Variants in DENND1A observed in about 807,000 individuals in gnomAD.
The protein encoded by DENND1A is DENN domain containing 1A.
In DENND1A, 51 loss-of-function variants were observed where a neutral mutation model predicts 113.7. The observed-to-expected ratio is 0.45, with a 90% confidence interval of 0.36 to 0.57. The LOEUF (loss-of-function observed/expected upper bound fraction) is 0.57, where lower values mean the gene tolerates loss of function less well. Ranked by LOEUF, DENND1A falls within the 20% of genes least tolerant of loss-of-function variation. The pLI is 0.00. For synonymous variants in DENND1A, 565 were observed against 570.8 expected, an observed-to-expected ratio of 0.99 and a Z score of 0.14; for missense variants, 1,258 against 1,395.9, an observed-to-expected ratio of 0.90 and a Z score of 1.57.
At position 123,380,813 on chromosome 9, in the gene DENND1A, C is replaced by T. The variant is rs1017093786; in HGVS notation, c.*619G>A. The T allele has an allele frequency of 9.2e-5, 14 of 152,888 alleles. No individual in the cohort carries two copies. The highest frequency in any genetic ancestry group is 3.4e-4 in the African/African-American group (14 of 41,456). 9.5% of individuals were successfully genotyped at this position (152,888 alleles called of 1,614,324 possible). A position where few individuals can be genotyped will look rare whatever the true frequency, so the allele number is the denominator to read the frequency against. ...GCCCAAGACCCCCTGGTCCCCAGAT[C>T]CTCCCAGGTCAGAATCAACTGAAGT... On this transcript the variant is annotated 3_prime_UTR_variant, in exon 24 of 24. Coordinates refer to ENST00000394215, the MANE Select transcript of DENND1A (RefSeq NM_001352964.2).
intron 13 of DENND1A, among the ~76,000 whole-genome samples, chr9:123,466,309 A>AC (rs2048945461): frequency 6.6e-6 from 1 of 150,530 alleles, no homozygotes; most frequent in Non-Finnish European, 1.5e-5. Context: ...TTATTTATTT[A>AC]TTTTTTTTGA....
At chr9:123,868,034 G>A (rs1184967099) in intron 2 of DENND1A, among the ~76,000 whole-genome samples, 3 of 152,134 alleles carry the variant, frequency 2.0e-5, no homozygotes, top group Non-Finnish European at 4.4e-5. Flanking sequence ...CCTAGATTCA[G>A]CAAAACCTAA....
chr9:123,923,562 G>A (rs1317587786), intron 1 of DENND1A, among the ~76,000 whole-genome samples: 1 of 152,214 alleles, frequency 6.6e-6, no homozygotes, highest in Non-Finnish European at 1.5e-5. Flanking sequence ...CAAACTTTTT[G>A]TGTATTTTGG....
At chr9:123,919,883 G>GA (rs56784407) in intron 1 of DENND1A, among the ~76,000 whole-genome samples, 13,609 of 55,298 alleles carry the variant, frequency 0.25, 1,637 homozygotes, top group African/African-American at 0.43. Context: ...CTCTGTCTCA[G>GA]AAAAAAAAAA....
At chr9:123,553,776 T>TA (rs2057264678) in intron 13 of DENND1A, among the ~76,000 whole-genome samples, 1 of 152,152 alleles carries the variant, frequency 6.6e-6, no homozygotes, top group Admixed American at 6.5e-5. Flanking sequence ...CCTTTTTTTT[T>TA]AAGAGTTAGT....
At chr9:123,787,702 G>A (rs1832397199) in intron 3 of DENND1A, among the ~76,000 whole-genome samples, 1 of 151,950 alleles carries the variant, frequency 6.6e-6, no homozygotes, top group Admixed American at 6.6e-5. Context: ...GTATATAGTT[G>A]GTATATGTTT....
At chr9:123,655,309 T>G (rs1386286601) in intron 8 of DENND1A, among the ~76,000 whole-genome samples, 1 of 152,158 alleles carries the variant, frequency 6.6e-6, no homozygotes, top group East Asian at 1.9e-4. Context: ...GCAAGCTCGG[T>G]GCACGGAGGA....
chr9:123,411,641 G>A (rs180863649), intron 20 of DENND1A, 135 bp downstream of exon 20: 1 of 407,716 alleles, frequency 2.5e-6, no homozygotes, highest in East Asian at 1.6e-4. Flanking sequence ...GCCACACAGA[G>A]AGGGAAGCTG....
At chr9:123,912,678 C>A (rs1854228643) in intron 1 of DENND1A, among the ~76,000 whole-genome samples, 1 of 152,060 alleles carries the variant, frequency 6.6e-6, no homozygotes, top group Non-Finnish European at 1.5e-5. Flanking sequence ...TCATCCCCCA[C>A]CAGGCAGTAA....
At position 123,381,732 on chromosome 9, in the gene DENND1A, C is replaced by A. The variant is rs370951088; in HGVS notation, c.2913G>T (p.Pro971=). The change falls in exon 24 of 24, where the codon CCG becomes CCT. Residue 971 remains proline (P), a synonymous_variant. Transcript: ENST00000394215. The surrounding 1 kb of genome is among the most constrained non-coding windows in gnomAD (Gnocchi z 4.7). ...ACGGGGCAACTGCTGGGGGACCCAG[C>A]GGCTGTAGGGGGCTCGTGTGGGTGC... ...PMGTHTSPLQ[P]LGPPAVAPSR... is the part of the protein sequence containing the mutation. The A allele has an allele frequency of 2.6e-6, 4 of 1,524,872 alleles. No individual in the cohort carries two copies. The highest frequency in any genetic ancestry group is 2.8e-5 in the African/African-American group (2 of 72,178). The allele number at this position is 1,524,872 out of a possible 1,614,324, so 94.5% of individuals were successfully genotyped here.
chr9:123,639,039 T>TAAAAAAAA (rs750972974), intron 9 of DENND1A, among the ~76,000 whole-genome samples: 220 of 31,614 alleles, frequency 7.0e-3, no homozygotes, highest in Middle Eastern at 0.026. Context: ...GCATGAGTAG[T>TAAAAAAAA]AAAAAAAAAA....
At chr9:123,739,971 C>G (rs187342529) in intron 5 of DENND1A, among the ~76,000 whole-genome samples, 1 of 150,746 alleles carries the variant, frequency 6.6e-6, no homozygotes. Context: ...CACAAAACAC[C>G]AAGGGTTAGA....
At chr9:123,686,478 C>T (rs1256740213) in intron 5 of DENND1A, among the ~76,000 whole-genome samples, 19 of 152,224 alleles carry the variant, frequency 1.2e-4, no homozygotes, top group Admixed American at 1.2e-3. Flanking sequence ...CCCCTCGGCT[C>T]CAAGTGTTCT....
At chr9:123,689,301 A>T (rs1482676656) in intron 5 of DENND1A, among the ~76,000 whole-genome samples, 1 of 152,196 alleles carries the variant, frequency 6.6e-6, no homozygotes, top group Non-Finnish European at 1.5e-5. Context: ...CTGAGATTAA[A>T]GGTGTGAGCC....
chr9:123,491,118 T>C (rs929481931), intron 13 of DENND1A, among the ~76,000 whole-genome samples: 1 of 152,190 alleles, frequency 6.6e-6, no homozygotes, highest in East Asian at 1.9e-4. Flanking sequence ...CCAGCAATGA[T>C]CCGGTGTTAT....
chr9:123,550,283 C>T (rs2056959404), intron 13 of DENND1A, among the ~76,000 whole-genome samples: 1 of 152,226 alleles, frequency 6.6e-6, no homozygotes, highest in Admixed American at 6.5e-5. Context: ...CTTACTGCCC[C>T]CACCCAGCAT....
At chr9:123,564,763 C>T (rs949438782) in intron 12 of DENND1A, among the ~76,000 whole-genome samples, 2 of 152,118 alleles carry the variant, frequency 1.3e-5, no homozygotes, top group Non-Finnish European at 2.9e-5. Flanking sequence ...TTTAAATAGC[C>T]ATATGTGAAT....
chr9:123,682,570 G>A (rs2064538722), intron 5 of DENND1A, among the ~76,000 whole-genome samples: 1 of 151,950 alleles, frequency 6.6e-6, no homozygotes, highest in South Asian at 2.1e-4. Context: ...AAACAAAACA[G>A]AACAAAACAA....
At chr9:123,410,231 G>C (rs2044199287) in intron 20 of DENND1A, among the ~76,000 whole-genome samples, 1 of 152,248 alleles carries the variant, frequency 6.6e-6, no homozygotes, top group Admixed American at 6.5e-5. Context: ...GAGAGCTTCA[G>C]TGCTTGCCAG....
Sources: allele counts gnomAD v4.1 joint callset (sites outside exome capture counted in the v4.1 genomes callset), GRCh38; gene constraint gnomAD v4.1.1; non-coding constraint Gnocchi (gnomAD v3.1); transcripts MANE v1.5; gene names NCBI Gene and HGNC (gene_info 2026-07-23, HGNC 2026-07-21).